The following KCNMB3 variants were observed in gnomAD, a reference collection of about 807,000 sequenced individuals.
KCNMB3 encodes the protein potassium calcium-activated channel subfamily M regulatory beta subunit 3, also known as calcium-activated potassium channel subunit beta-3.
Under a neutral mutation model 11.9 loss-of-function variants are expected in KCNMB3, and 18 were observed. The ratio of observed to expected loss-of-function variants is 1.51; its 90% confidence interval spans 1.04 to 2.23. The LOEUF (loss-of-function observed/expected upper bound fraction) is 2.23, where lower values mean the gene tolerates loss of function less well. Among genes scored for constraint, KCNMB3 ranks in the 30% most tolerant of loss-of-function variants. The pLI, the probability that KCNMB3 is intolerant of heterozygous loss-of-function variation, is 0.00. For missense variants in KCNMB3, 247 were observed against 329.4 expected, an observed-to-expected ratio of 0.75 and a Z score of 1.94; for synonymous variants, 78 against 119.2, an observed-to-expected ratio of 0.65 and a Z score of 2.25.
chr3:179,251,889 T>A (rs1576959301), upstream of KCNMB3, among the ~76,000 whole-genome samples: 2 of 152,040 alleles, frequency 1.3e-5, no homozygotes, highest in East Asian at 3.9e-4. Flanking sequence ...GCCCAGCTAA[T>A]TTTTGTATTT....
At chr3:179,245,823 T>G (rs1248491865) in intron 1 of KCNMB3, among the ~76,000 whole-genome samples, 1 of 152,174 alleles carries the variant, frequency 6.6e-6, no homozygotes, top group African/African-American at 2.4e-5. Flanking sequence ...CTTGGAAAAT[T>G]TCTTGAGAAT....
intron 1 of KCNMB3, among the ~76,000 whole-genome samples, chr3:179,247,779 T>C (rs901383030): frequency 1.3e-5 from 2 of 152,196 alleles, no homozygotes; most frequent in African/African-American, 4.8e-5. Flanking sequence ...TGGTGACTTC[T>C]ACATCTTTCC....
Position 179,243,204 on chromosome 3 carries a change from G to A in KCNMB3, c.528C>T (p.His176=). Residue 176 remains histidine, a synonymous_variant, in exon 3 of 3, where the codon CAC becomes CAT. Transcript: ENST00000392685. ...SALDIKEFFD[H]KNGTPFSCFY... ...AGCATGAAAAGGGGGTTCCATTTTT[G>A]TGATCGAAGAATTCTTTTATGTCCA... 7.2e-7 allele frequency: 1 copy of A among 1,392,266 alleles called. No homozygotes were observed. The highest frequency in any genetic ancestry group is 1.0e-6 in the Non-Finnish European group (1 of 997,696). 86.2% of individuals were successfully genotyped at this position (1,392,266 alleles called of 1,614,324 possible).
chr3:179,240,055 T>G, downstream of KCNMB3: 1 of 1,545,692 alleles, frequency 6.5e-7, no homozygotes, highest in South Asian at 1.2e-5. Flanking sequence ...CTGCAGTCTG[T>G]AACATCACGC....
downstream of KCNMB3, chr3:179,241,269 C>G (rs1417709064): frequency 6.6e-6 from 1 of 152,370 alleles, no homozygotes; most frequent in East Asian, 1.9e-4. Context: ...CGGGTTATCC[C>G]CATTTTATAG....
chr3:179,253,854 CAT>C (rs772747364), upstream of KCNMB3, among the ~76,000 whole-genome samples: 1 of 151,912 alleles, frequency 6.6e-6, no homozygotes, highest in Non-Finnish European at 1.5e-5. Context: ...AAAAAGCCCA[CAT>C]AGATATGTTT....
At chr3:179,257,775 C>T (rs1726061540) in intron 1 of KCNMB3, among the ~76,000 whole-genome samples, 1 of 152,154 alleles carries the variant, frequency 6.6e-6, no homozygotes, top group Non-Finnish European at 1.5e-5. Flanking sequence ...TATAGTGGTG[C>T]AATCATAGCT....
exon 1 of KCNMB3, chr3:179,266,922 G>A: frequency 7.1e-7 from 1 of 1,411,328 alleles, no homozygotes; most frequent in Non-Finnish European, 9.2e-7. Context: ...TCCTGGCAAG[G>A]CGGAGCGGTC....
chr3:179,246,962 A>G (rs1725663278), intron 1 of KCNMB3, among the ~76,000 whole-genome samples: 1 of 152,152 alleles, frequency 6.6e-6, no homozygotes, highest in Non-Finnish European at 1.5e-5. Flanking sequence ...AGCTGTGACA[A>G]AATCCATCAT....
upstream of KCNMB3, chr3:179,251,529 A>G (rs1235770233): frequency 6.6e-6 from 9 of 1,355,608 alleles, no homozygotes; most frequent in African/African-American, 5.9e-5. Flanking sequence ...ATGGTTCTGC[A>G]TAAGTGTCCC....
chr3:179,246,769 C>T (rs929932723), intron 1 of KCNMB3, among the ~76,000 whole-genome samples: 5 of 152,000 alleles, frequency 3.3e-5, no homozygotes, highest in East Asian at 3.9e-4. Context: ...AAATCTTGAC[C>T]GAGTACTGAA....
At chr3:179,263,800 CTTTTTTTTTTTTTT>C (rs60270913) in intron 1 of KCNMB3, among the ~76,000 whole-genome samples, 31 of 59,970 alleles carry the variant, frequency 5.2e-4, no homozygotes, top group Middle Eastern at 0.03. Context: ...TTTTTCTTTT[CTTTTTTTTTTTTTT>C]TTTTTTTTTG....
At position 179,256,661 on chromosome 3, in the gene KCNMB3, T is replaced by C. The variant is rs148249051; in HGVS notation, c.63-5727A>G. Among the ~76,000 whole-genome samples the C allele has an allele frequency of 4.0e-4, 61 of 152,222 alleles. No individual in the cohort carries two copies. In the East Asian group the frequency reaches 0.012, roughly 29 times the overall value. On this transcript the variant is annotated intron_variant, in intron 1 of 3. Transcript: ENST00000349697. ...AGAAATATCACCTTTCTCTACTCTT[T>C]TAGGTGATACTCCAGAAATTCCAAA...
At chr3:179,244,783 C>CCAAGGCATTTGTGTA (rs1045895365) in intron 1 of KCNMB3, 90 bp from the exon 2 acceptor site, 2 of 1,117,168 alleles carry the variant, frequency 1.8e-6, no homozygotes, top group South Asian at 1.4e-5. Context: ...TACACAATGC[C>CCAAGGCATTTGTGTA]CAAGGCATTT....
chr3:179,244,641 C>A lies in KCNMB3; in HGVS notation c.301G>T (p.Asp101Tyr), dbSNP rs945466107. The change falls in exon 2 of 3, where the codon GAC (aspartate) becomes TAC (tyrosine). Residue 101 changes from aspartate (D) to tyrosine (Y), a missense_variant. This residue lies in a region of KCNMB3 where 160 missense variants were observed against 157.5 expected (regional missense o/e 1.02). Transcript: ENST00000392685. ...CTAIHTDIMD[D>Y]WLDCAFTCGV... ...CAGGTGAAGGCACAGTCCAGCCAGT[C>A]GTCCATGATATCTGTGTGGATGGCA... 7 of 1,613,806 alleles carry A rather than the reference C, an allele frequency of 4.3e-6. No homozygotes were observed. Among genetic ancestry groups the A allele is most frequent in the Non-Finnish European group, 5.9e-6 (7 of 1,180,002 alleles).
downstream of KCNMB3, chr3:179,241,869 A>G (rs1725469084): frequency 6.5e-6 from 1 of 154,188 alleles, no homozygotes; most frequent in Admixed American, 6.5e-5. Context: ...GCCTAATACG[A>G]TGTGGATCAT....
At chr3:179,260,441 A>C in intron 1 of KCNMB3, 1 of 1,613,824 alleles carries the variant, frequency 6.2e-7, no homozygotes, top group Non-Finnish European at 8.5e-7. Context: ...CTATGTCCAC[A>C]CAATCCTTCA....
At chr3:179,254,917 C>A (rs1725963299), upstream of KCNMB3, among the ~76,000 whole-genome samples, 1 of 152,172 alleles carries the variant, frequency 6.6e-6, no homozygotes, top group East Asian at 1.9e-4. Flanking sequence ...ATAATCCCAG[C>A]ACTTTCAGAG....
At chr3:179,251,953 C>G (rs34795680), upstream of KCNMB3, among the ~76,000 whole-genome samples, 45,801 of 152,086 alleles carry the variant, frequency 0.3, 7,210 homozygotes, top group Non-Finnish European at 0.35. Flanking sequence ...AACGCCTGAC[C>G]TCATGATCCA....
Sources: gnomAD v4.1 joint callset for allele counts (sites outside exome capture counted in the v4.1 genomes callset) on GRCh38, gnomAD v4.1.1 for gene constraint, gnomAD v4.1.1 regional missense constraint, MANE v1.5 for transcripts, NCBI Gene and HGNC (gene_info 2026-07-23, HGNC 2026-07-21) for gene names.